The following DENND1A variants were observed in gnomAD, a reference collection of about 807,000 sequenced individuals.
DENND1A encodes the protein DENN domain-containing protein 1A.
In DENND1A, 51 loss-of-function variants were observed where a neutral mutation model predicts 113.7. The observed-to-expected ratio is 0.45, with a 90% CI of 0.36 to 0.57. The LOEUF is 0.57. Ranked by LOEUF, DENND1A falls within the 20% of genes least tolerant of loss-of-function variation. DENND1A has a pLI of 0.00. For missense variants in DENND1A, 1,258 were observed against 1,395.9 expected (o/e 0.90, Z 1.57); for synonymous variants, 565 against 570.8 (o/e 0.99, Z 0.14).
chr9:123,585,624 G>T (rs569775123), intron 11 of DENND1A, among the ~76,000 whole-genome samples: 19 of 152,160 alleles, frequency 1.2e-4, no homozygotes, highest in Non-Finnish European at 2.2e-4. Context: ...TAGCAGGAAG[G>T]TACAAAAACA....
At chr9:123,474,931 A>G (rs957503543) in intron 13 of DENND1A, among the ~76,000 whole-genome samples, 1 of 152,178 alleles carries the variant, frequency 6.6e-6, no homozygotes. Context: ...TTGGGGAGGC[A>G]CTCATCTTTT....
intron 5 of DENND1A, among the ~76,000 whole-genome samples, chr9:123,731,196 G>A (rs1275756898): frequency 1.3e-5 from 2 of 152,104 alleles, no homozygotes; most frequent in Non-Finnish European, 2.9e-5. Flanking sequence ...CATGGCACGT[G>A]TATACCTATG....
At chr9:123,476,924 C>T (rs911293245) in intron 13 of DENND1A, among the ~76,000 whole-genome samples, 3 of 152,166 alleles carry the variant, frequency 2.0e-5, no homozygotes, top group Admixed American at 6.5e-5. Context: ...AGGGCGGTGG[C>T]TCTACTTCTC....
intron 11 of DENND1A, 64 bp downstream of exon 11, chr9:123,609,372 C>T (rs1332128950): frequency 6.4e-7 from 1 of 1,565,042 alleles, no homozygotes. Context: ...TGGGTCTCTC[C>T]ACCGCCACAC....
At chr9:123,648,355 G>T (rs532117485) in intron 9 of DENND1A, among the ~76,000 whole-genome samples, 3 of 152,300 alleles carry the variant, frequency 2.0e-5, no homozygotes, top group East Asian at 3.9e-4. Flanking sequence ...GGGATTATAG[G>T]TGTAAGTCAT....
At chr9:123,461,074 C>A (rs1404461387) in intron 13 of DENND1A, among the ~76,000 whole-genome samples, 7 of 152,220 alleles carry the variant, frequency 4.6e-5, no homozygotes, top group Admixed American at 4.6e-4. Context: ...TTTGCCTCTG[C>A]TCTTCCACAT....
chr9:123,539,859 G>A (rs2056146465), intron 13 of DENND1A, among the ~76,000 whole-genome samples: 1 of 149,332 alleles, frequency 6.7e-6, no homozygotes, highest in South Asian at 2.1e-4. Flanking sequence ...CTCCAGCCTG[G>A]GTGAAAAAGT....
chr9:123,896,833 T>C (rs1408673184), intron 1 of DENND1A, among the ~76,000 whole-genome samples: 1 of 151,052 alleles, frequency 6.6e-6, no homozygotes. Flanking sequence ...AAACAGAAAA[T>C]AGAAAACAAA....
intron 13 of DENND1A, among the ~76,000 whole-genome samples, chr9:123,520,375 C>T (rs1470783346): frequency 6.6e-6 from 1 of 152,098 alleles, no homozygotes; most frequent in Non-Finnish European, 1.5e-5. Flanking sequence ...AGGAGAACTG[C>T]TGGAACCTGC....
In DENND1A at chr9:123,515,128, T is replaced by C. The variant is rs79824839; in HGVS notation, c.993+42442A>G. Among the ~76,000 whole-genome samples the C allele has an allele frequency of 4.7e-3, 716 of 152,276 alleles. 10 individuals carry two copies. Among genetic ancestry groups the C allele is most frequent in the African/African-American group, 0.016 (669 of 41,554 alleles). On this transcript the variant is annotated intron_variant, in intron 13 of 23. Coordinates refer to ENST00000394215, the MANE Select transcript of DENND1A (RefSeq NM_001352964.2). The stretch of plus-strand genomic sequence containing the variant: ...TACATGAAACGGTACTAAAGAGACA[T>C]AACAACCATAGGCAATGTGTGATCC...
chr9:123,756,207 C>T (rs570394137), intron 5 of DENND1A, among the ~76,000 whole-genome samples: 5 of 152,210 alleles, frequency 3.3e-5, no homozygotes, highest in African/African-American at 1.2e-4. Context: ...CTACCGTGCC[C>T]GGCCATAGTT....
rs377085902 is a variant in DENND1A, at chr9:123,401,936, G to A, written c.1631+1466C>T. ...TTCTGTGTAATGCAAGAATATTCTG[G>A]GTTTACATCTCAATATCAACAGGCC... is the stretch of plus-strand genomic sequence containing the variant. On this transcript the variant is annotated intron_variant, in intron 21 of 23. Coordinates refer to ENST00000394215, the MANE Select transcript of DENND1A (RefSeq NM_001352964.2). 4.3e-6 allele frequency: 7 copies of A among 1,613,992 alleles called. No individual in the cohort carries two copies. In the African/African-American group the frequency reaches 8.0e-5, roughly 18 times the overall value.
intron 1 of DENND1A, among the ~76,000 whole-genome samples, chr9:123,918,175 C>T (rs938551365): frequency 2.0e-5 from 3 of 151,470 alleles, no homozygotes; most frequent in Non-Finnish European, 4.4e-5. Context: ...GTTAAAAGGA[C>T]TTCAGAGTTC....
At chr9:123,722,926 C>T (rs1364717946) in intron 5 of DENND1A, among the ~76,000 whole-genome samples, 3 of 152,218 alleles carry the variant, frequency 2.0e-5, no homozygotes, top group Non-Finnish European at 4.4e-5. Flanking sequence ...AAAGGGCCAC[C>T]ATCCTCCAGA....
rs558072667 is a variant in DENND1A, at chr9:123,421,563, T to C, written c.1489-9734A>G. Among the ~76,000 whole-genome samples, 5 of 152,330 alleles carry C rather than the reference T, an allele frequency of 3.3e-5. No individual in the cohort carries two copies. The East Asian group carries it at 9.6e-4, about 29-fold the overall frequency. ...AGAAAGGTTTGTCTTTGCAGCCGCC[T>C]GCATTTCACCAGGCCCGTGTCCCTA... On this transcript the variant is annotated intron_variant, in intron 19 of 23. Transcript: ENST00000394215.
intron 13 of DENND1A, among the ~76,000 whole-genome samples, chr9:123,472,798 A>G (rs1271076601): frequency 6.6e-6 from 1 of 151,922 alleles, no homozygotes; most frequent in Non-Finnish European, 1.5e-5. Context: ...CTGCATTCCC[A>G]TAACACGGGG....
intron 13 of DENND1A, among the ~76,000 whole-genome samples, chr9:123,469,528 A>C (rs565605315): frequency 5.3e-4 from 81 of 152,348 alleles, no homozygotes; most frequent in African/African-American, 1.9e-3. Flanking sequence ...TAACCGAGAC[A>C]AACAGGGAGA....
At chr9:123,502,266 CATCTAT>C (rs1272534635) in intron 13 of DENND1A, among the ~76,000 whole-genome samples, 1 of 151,648 alleles carries the variant, frequency 6.6e-6, no homozygotes, top group Non-Finnish European at 1.5e-5. Flanking sequence ...TCTATATCTA[CATCTAT>C]ATCTACATAT....
chr9:123,474,458 T>A (rs548670613), intron 13 of DENND1A, among the ~76,000 whole-genome samples: 1 of 152,360 alleles, frequency 6.6e-6, no homozygotes, highest in East Asian at 1.9e-4. Flanking sequence ...CAAAAATTTT[T>A]AAGCAAAAAG....
Sources: gnomAD v4.1 joint callset for allele counts (sites outside exome capture counted in the v4.1 genomes callset) on GRCh38, gnomAD v4.1.1 for gene constraint, MANE v1.5 for transcripts, NCBI Gene and HGNC (gene_info 2026-07-23, HGNC 2026-07-21) for gene names.